Variants in PDE7B observed in about 807,000 individuals in gnomAD.
PDE7B encodes the protein 3',5'-cyclic-AMP phosphodiesterase 7B.
PDE7B carries 29 observed loss-of-function variants against 56.2 expected under a neutral mutation model. The ratio of observed to expected loss-of-function variants is 0.52; its 90% CI spans 0.38 to 0.70. PDE7B has a LOEUF of 0.70. Ranked by LOEUF, PDE7B falls within the 30% of genes least tolerant of loss-of-function variation. The pLI is 0.00. For synonymous variants in PDE7B, 197 were observed against 196.9 expected (o/e 1.00, Z 0.00); for missense variants, 490 against 565.0 (o/e 0.87, Z 1.35).
chr6:136,013,093 A>G (rs1775920393), intron 2 of PDE7B, among the ~76,000 whole-genome samples: 1 of 152,160 alleles, frequency 6.6e-6, no homozygotes, highest in East Asian at 1.9e-4. Flanking sequence ...AACTAACACA[A>G]GTGTTTGCCT....
At chr6:135,917,835 A>G (rs1335576275) in intron 1 of PDE7B, among the ~76,000 whole-genome samples, 1 of 152,160 alleles carries the variant, frequency 6.6e-6, no homozygotes, top group African/African-American at 2.4e-5. Flanking sequence ...CTGCAGGGCT[A>G]AAGTGGCCTC....
At chr6:135,987,736 C>A (rs886629232) in intron 2 of PDE7B, among the ~76,000 whole-genome samples, 6 of 152,106 alleles carry the variant, frequency 3.9e-5, no homozygotes, top group Non-Finnish European at 7.4e-5. Flanking sequence ...CTTTACATTT[C>A]TCTAAACAGT....
intron 8 of PDE7B, 35 bp from the exon 9 acceptor site, chr6:136,173,762 C>T (rs1778931359): frequency 1.5e-6 from 2 of 1,363,146 alleles, no homozygotes; most frequent in African/African-American, 1.4e-5. Context: ...TCTGGCTTCC[C>T]TCTCATTTAT....
intron 3 of PDE7B, among the ~76,000 whole-genome samples, chr6:136,111,946 C>T (rs1040481995): frequency 6.6e-6 from 1 of 152,002 alleles, no homozygotes. Flanking sequence ...TTTTTTTAAA[C>T]CATTTATAGG....
At chr6:135,931,259 C>T (rs1031428909) in intron 1 of PDE7B, among the ~76,000 whole-genome samples, 3 of 152,182 alleles carry the variant, frequency 2.0e-5, no homozygotes, top group African/African-American at 4.8e-5. Context: ...TAATTTTACT[C>T]CTTTATTCCT....
chr6:135,903,588 C>T (rs1258560021), intron 1 of PDE7B, among the ~76,000 whole-genome samples: 3 of 152,176 alleles, frequency 2.0e-5, no homozygotes, highest in Non-Finnish European at 4.4e-5. Context: ...CTTTAGTCTG[C>T]ATTGCCCAAA....
intron 2 of PDE7B, among the ~76,000 whole-genome samples, chr6:136,075,114 C>T (rs116765985): frequency 1.4e-4 from 21 of 152,194 alleles, no homozygotes; most frequent in African/African-American, 5.1e-4. Context: ...CTCAAGCCAC[C>T]GTCTCAGTCT....
intron 2 of PDE7B, among the ~76,000 whole-genome samples, chr6:136,066,322 T>C (rs1352177898): frequency 6.6e-6 from 1 of 152,176 alleles, no homozygotes; most frequent in East Asian, 1.9e-4. Flanking sequence ...TTGGTCCTTT[T>C]AGAAGGCAAG....
intron 8 of PDE7B, chr6:136,166,427 T>A (rs1434799470): frequency 1.3e-5 from 2 of 153,026 alleles, no homozygotes; most frequent in African/African-American, 4.8e-5. Context: ...GAGGTTTAAT[T>A]GGCTTATTGT....
intron 2 of PDE7B, chr6:136,096,381 A>C (rs1219291233): frequency 6.6e-6 from 1 of 152,154 alleles, no homozygotes; most frequent in Non-Finnish European, 1.5e-5. Context: ...GTTCAAAAAA[A>C]CAAGAAATTA....
In PDE7B at chr6:135,854,849, A is replaced by T. The variant is rs186564774; in HGVS notation, c.21+2830A>T. ...AAAAGGGATGTAGAAACCCAAATCAACTGAATACCTATTATGTACCAGGCA... is the reference window on the plus strand; with the variant it reads ...AAAAGGGATGTAGAAACCCAAATCATCTGAATACCTATTATGTACCAGGCA... On this transcript the variant is annotated intron_variant, in intron 1 of 12. Transcript: ENST00000308191. 1.2e-3 allele frequency among the ~76,000 whole-genome samples: 185 copies of T among 152,332 alleles called. 8 individuals carry two copies. The highest frequency in any genetic ancestry group is 0.012 in the Admixed American group (185 of 15,296).
chr6:136,178,627 C>T (rs569019105), intron 9 of PDE7B, among the ~76,000 whole-genome samples: 2 of 152,264 alleles, frequency 1.3e-5, no homozygotes, highest in African/African-American at 4.8e-5. Context: ...TCTCCGTGCA[C>T]ATCTTCATGT....
At chr6:135,901,130 G>A (rs1446997628) in intron 1 of PDE7B, among the ~76,000 whole-genome samples, 1 of 152,176 alleles carries the variant, frequency 6.6e-6, no homozygotes. Context: ...CCACAGAGGG[G>A]ATGACCTTCT....
At chr6:136,148,364 A>C (rs1330121405) in intron 4 of PDE7B, among the ~76,000 whole-genome samples, 1 of 149,616 alleles carries the variant, frequency 6.7e-6, no homozygotes, top group Non-Finnish European at 1.5e-5. Flanking sequence ...TCAAAAAGAA[A>C]GAAGGAAAGA....
intron 3 of PDE7B, among the ~76,000 whole-genome samples, chr6:136,132,920 A>C (rs1778142732): frequency 6.6e-6 from 1 of 152,160 alleles, no homozygotes; most frequent in Admixed American, 6.6e-5. Context: ...TGCCACTACA[A>C]TCCATAGAGC....
chr6:135,933,304 C>T (rs1288111865), intron 1 of PDE7B, among the ~76,000 whole-genome samples: 1 of 152,242 alleles, frequency 6.6e-6, no homozygotes, highest in Admixed American at 6.5e-5. Flanking sequence ...GCACAAGATA[C>T]ACCCCTTAAA....
intron 1 of PDE7B, among the ~76,000 whole-genome samples, chr6:135,905,908 C>T (rs189111537): frequency 6.6e-6 from 1 of 152,266 alleles, no homozygotes; most frequent in East Asian, 1.9e-4. Flanking sequence ...TGAGGAGAAG[C>T]AGGACAGAAG....
intron 1 of PDE7B, among the ~76,000 whole-genome samples, chr6:135,938,795 A>T (rs1774461671): frequency 6.6e-6 from 1 of 152,166 alleles, no homozygotes; most frequent in Non-Finnish European, 1.5e-5. Flanking sequence ...TTAGCCATAT[A>T]GCCTTTCTAT....
chr6:135,889,452 T>TA (rs1775769036), intron 1 of PDE7B, among the ~76,000 whole-genome samples: 1 of 146,664 alleles, frequency 6.8e-6, no homozygotes, highest in African/African-American at 2.5e-5. Context: ...TTTTTTTTTT[T>TA]TTTTTTTTTT....
Sources: gnomAD v4.1 joint callset for allele counts (sites outside exome capture counted in the v4.1 genomes callset) on GRCh38, gnomAD v4.1.1 for gene constraint, MANE v1.5 for transcripts, NCBI Gene and HGNC (gene_info 2026-07-23, HGNC 2026-07-21) for gene names.